Variants in RTN4IP1 observed in about 807,000 individuals in gnomAD.
RTN4IP1 encodes reticulon 4 interacting protein 1, also known as NAD(P)H oxidoreductase RTN4IP1, mitochondrial.
A neutral mutation model predicts 46.6 loss-of-function variants in RTN4IP1; 32 were observed. The ratio of observed to expected loss-of-function variants is 0.69; its 90% CI spans 0.52 to 0.92. RTN4IP1 has a LOEUF of 0.92. Ranked by LOEUF, RTN4IP1 falls within the 40% of genes least tolerant of loss-of-function variation. The pLI is 0.00. For missense variants in RTN4IP1, 424 were observed against 485.8 expected (o/e 0.87, Z 1.20); for synonymous variants, 167 against 161.8 (o/e 1.03, Z -0.24).
intron 6 of RTN4IP1, among the ~76,000 whole-genome samples, chr6:106,590,640 G>A (rs560094902): frequency 6.2e-5 from 9 of 145,350 alleles, no homozygotes; most frequent in South Asian, 2.2e-4. Flanking sequence ...ACTTGAAACC[G>A]GAAGGCAGAG....
At chr6:106,619,465 A>T (rs962150840) in intron 3 of RTN4IP1, 139 bp from the exon 4 acceptor site, 1 of 952,480 alleles carries the variant, frequency 1.0e-6, no homozygotes, top group Non-Finnish European at 1.5e-6. Context: ...TTATACGTGG[A>T]TTTCCTGCCT....
At chr6:106,610,862 C>T (rs551660773) in intron 4 of RTN4IP1, among the ~76,000 whole-genome samples, 29 of 152,202 alleles carry the variant, frequency 1.9e-4, no homozygotes, top group African/African-American at 6.0e-4. Context: ...ATCTAACTTG[C>T]TCTGTCCTTT....
rs2114691981 is a variant in RTN4IP1, at chr6:106,629,495, T to C, written c.-474A>G. ...GCTCTCCTTAGCCGCCGGGATGGCT[T>C]TGCGGCGCCAACCAATCGCCTACAA... On this transcript the variant is annotated 5_prime_UTR_variant, in exon 1 of 9. Coordinates refer to ENST00000369063, the MANE Select transcript of RTN4IP1 (RefSeq NM_032730.5). The C allele has an allele frequency of 1.3e-6, 1 of 786,658 alleles. No individual in the cohort carries two copies. The highest frequency in any genetic ancestry group is 2.0e-6 in the Non-Finnish European group (1 of 509,610). 48.7% of individuals were successfully genotyped at this position (786,658 alleles called of 1,614,324 possible).
At chr6:106,594,857 G>A (rs982585984) in intron 5 of RTN4IP1, among the ~76,000 whole-genome samples, 2 of 152,100 alleles carry the variant, frequency 1.3e-5, no homozygotes, top group Admixed American at 1.3e-4. Context: ...CTAGAGTGCA[G>A]TGGCATGATC....
At chr6:106,623,532 T>A (rs1776548505) in intron 1 of RTN4IP1, among the ~76,000 whole-genome samples, 1 of 152,180 alleles carries the variant, frequency 6.6e-6, no homozygotes, top group Non-Finnish European at 1.5e-5. Flanking sequence ...ACCTCTCAAC[T>A]TAAAAGTTTT....
rs962250841 is a variant in RTN4IP1 at position 106,572,100 on chromosome 6, G to A, written c.1087C>T (p.Arg363Trp). ...GGAAAGGTTTGTTCAATAACTGGCCGGATCTGTAAAACATAAGAGGTTGAC... is the reference window on the plus strand; with the variant it reads ...GGAAAGGTTTGTTCAATAACTGGCCAGATCTGTAAAACATAAGAGGTTGAC... The part of the protein sequence containing the change: ...IAELVDAGKI[R>W]PVIEQTFPFS... The change falls in exon 9 of 9, where the codon CGG (arginine) becomes TGG (tryptophan). Residue 363 changes from arginine (R) to tryptophan (W), a missense_variant. Arg to Trp is a moderately radical substitution (Grantham distance 101). Transcript: ENST00000369063. The A allele has an allele frequency of 8.1e-6, 13 of 1,612,338 alleles. No individual in the cohort carries two copies. Among genetic ancestry groups the A allele is most frequent in the South Asian group, 5.5e-5 (5 of 90,976 alleles).
rs1267566081 is a variant in RTN4IP1 at position 106,628,925 on chromosome 6, T to A, written c.97A>T (p.Ile33Phe). 1 of 1,613,980 alleles carries A rather than the reference T, an allele frequency of 6.2e-7. No homozygotes were observed. The highest frequency in any genetic ancestry group is 1.3e-5 in the African/African-American group (1 of 74,932). Residue 33 changes from isoleucine (I) to phenylalanine (F), a missense_variant, in exon 1 of 9, where the codon ATT becomes TTT. Coordinates refer to ENST00000369063, the MANE Select transcript of RTN4IP1 (RefSeq NM_032730.5). ...GTGCTCCTAGGAGAGGTAGTACTAA[T>A]CCTTCTAACTGAAGGCTTTTGGACA... is the stretch of plus-strand genomic sequence containing the variant. ...KVVQKPSVRR[I>F]STTSPRSTVM...
chr6:106,612,492 G>A (rs554274681), intron 4 of RTN4IP1, among the ~76,000 whole-genome samples: 13 of 149,646 alleles, frequency 8.7e-5, no homozygotes, highest in East Asian at 2.0e-4. Context: ...CAATGAAGCC[G>A]AAGCCCTTCA....
chr6:106,608,801 G>A (rs944647473), intron 4 of RTN4IP1, among the ~76,000 whole-genome samples: 3 of 152,248 alleles, frequency 2.0e-5, no homozygotes, highest in East Asian at 3.9e-4. Flanking sequence ...TATGAAAAGT[G>A]CTTCAAAAAT....
At chr6:106,614,718 T>C (rs1315568053) in intron 4 of RTN4IP1, among the ~76,000 whole-genome samples, 2 of 152,044 alleles carry the variant, frequency 1.3e-5, no homozygotes, top group African/African-American at 2.4e-5. Flanking sequence ...GAGATCAAAT[T>C]AAAATAAGAA....
At chr6:106,586,868 C>T (rs1775499353) in intron 7 of RTN4IP1, among the ~76,000 whole-genome samples, 1 of 152,120 alleles carries the variant, frequency 6.6e-6, no homozygotes, top group East Asian at 1.9e-4. Flanking sequence ...GGCTCATCTG[C>T]CCTAGTCTCC....
intron 4 of RTN4IP1, among the ~76,000 whole-genome samples, chr6:106,606,817 T>C (rs1026674921): frequency 7.2e-5 from 11 of 152,164 alleles, no homozygotes; most frequent in African/African-American, 2.7e-4. Context: ...GTTGTTAAAA[T>C]GAACAAACCA....
At chr6:106,588,108 TC>T (rs1300736371) in intron 6 of RTN4IP1, among the ~76,000 whole-genome samples, 1 of 152,246 alleles carries the variant, frequency 6.6e-6, no homozygotes, top group African/African-American at 2.4e-5. Flanking sequence ...TAAAATCATT[TC>T]ATTTTCTAGT....
Position 106,622,818 on chromosome 6 carries a change from C to T in RTN4IP1, c.426G>A (p.Glu142=). The change falls in exon 2 of 9, where the codon GAG becomes GAA. Residue 142 remains glutamate (E), a splice_region_variant and synonymous_variant. Coordinates refer to ENST00000369063, the MANE Select transcript of RTN4IP1 (RefSeq NM_032730.5). Reference sequence around the variant, plus strand: ...GGAATAGTGGCATTCCCTAACTCACCTCATCTCCAGGCTTGAAGTATTTCA... The same window carrying T: ...GGAATAGTGGCATTCCCTAACTCACTTCATCTCCAGGCTTGAAGTATTTCA... The part of the protein sequence containing the change: ...LDVKYFKPGD[E]VWAAVPPWKQ... 1 of 1,612,252 alleles carries T rather than the reference C, an allele frequency of 6.2e-7. No homozygotes were observed. The highest frequency in any genetic ancestry group is 8.5e-7 in the Non-Finnish European group (1 of 1,178,972).
At chr6:106,600,078 C>A (rs1253094838) in intron 5 of RTN4IP1, among the ~76,000 whole-genome samples, 3 of 152,064 alleles carry the variant, frequency 2.0e-5, no homozygotes, top group Non-Finnish European at 2.9e-5. Context: ...AAGTGTGCAT[C>A]CCAGGAATCC....
intron 5 of RTN4IP1, 65 bp downstream of exon 5, chr6:106,602,809 T>A: frequency 9.1e-7 from 1 of 1,097,596 alleles, no homozygotes; most frequent in Non-Finnish European, 1.3e-6. Flanking sequence ...AGAAATAATG[T>A]ATCTTAATTT....
chr6:106,576,044 C>G (rs903540393), intron 8 of RTN4IP1, among the ~76,000 whole-genome samples: 2 of 152,306 alleles, frequency 1.3e-5, no homozygotes, highest in Non-Finnish European at 2.9e-5. Flanking sequence ...TCCAGCACTA[C>G]CTCCTGGACA....
chr6:106,587,565 C>G, intron 7 of RTN4IP1, 114 bp downstream of exon 7: 1 of 934,426 alleles, frequency 1.1e-6, no homozygotes, highest in Non-Finnish European at 1.6e-6. Context: ...AGAGTCCATG[C>G]TTGCAACCAC....
At chr6:106,591,770 T>C (rs929688133) in intron 6 of RTN4IP1, among the ~76,000 whole-genome samples, 20 of 152,272 alleles carry the variant, frequency 1.3e-4, no homozygotes, top group Admixed American at 4.6e-4. Flanking sequence ...CTCTTAAGCC[T>C]TTTTTAAGCC....
Sources: gnomAD v4.1 joint callset for allele counts (sites outside exome capture counted in the v4.1 genomes callset) on GRCh38, gnomAD v4.1.1 for gene constraint, MANE v1.5 for transcripts, NCBI Gene and HGNC (gene_info 2026-07-23, HGNC 2026-07-21) for gene names.